The following KCNQ3 variants were observed in gnomAD, a reference collection of about 807,000 sequenced individuals.
KCNQ3 encodes potassium voltage-gated channel subfamily Q member 3.
Under a neutral mutation model 92.5 loss-of-function variants are expected in KCNQ3, and 30 were observed. The ratio of observed to expected loss-of-function variants is 0.32; its 90% CI spans 0.24 to 0.44. The LOEUF (loss-of-function observed/expected upper bound fraction) is 0.44. Among genes scored for constraint, KCNQ3 ranks in the 20% least tolerant of loss-of-function variants. KCNQ3 has a pLI of 1.00. For missense variants in KCNQ3, 913 were observed against 1,140.3 expected (o/e 0.80, Z 2.87); for synonymous variants, 450 against 468.8 (o/e 0.96, Z 0.52).
intron 1 of KCNQ3, among the ~76,000 whole-genome samples, chr8:132,295,536 T>A (rs983986282): frequency 7.9e-5 from 12 of 152,216 alleles, no homozygotes; most frequent in African/African-American, 2.9e-4. Flanking sequence ...TTACCGGGCG[T>A]ATACCCAAAG....
intron 1 of KCNQ3, among the ~76,000 whole-genome samples, chr8:132,474,324 T>A (rs1350529067): frequency 6.6e-6 from 1 of 152,166 alleles, no homozygotes; most frequent in Non-Finnish European, 1.5e-5. Context: ...ATCCTCAATT[T>A]ATAGGTCATC....
intron 1 of KCNQ3, among the ~76,000 whole-genome samples, chr8:132,341,352 C>G (rs754828967): frequency 1.3e-5 from 2 of 152,130 alleles, no homozygotes; most frequent in Non-Finnish European, 2.9e-5. Flanking sequence ...GCTGAAGGCA[C>G]GTTTTCTCCG....
At chr8:132,329,080 A>G (rs1304730940) in intron 1 of KCNQ3, among the ~76,000 whole-genome samples, 1 of 152,252 alleles carries the variant, frequency 6.6e-6, no homozygotes, top group African/African-American at 2.4e-5. Context: ...ACCAGTAAAC[A>G]AGAACATTGC....
intron 9 of KCNQ3, among the ~76,000 whole-genome samples, chr8:132,156,505 C>T (rs1435815959): frequency 6.6e-6 from 1 of 152,098 alleles, no homozygotes; most frequent in African/African-American, 2.4e-5. Context: ...TGGAGGGATC[C>T]AGGCAGACAC....
intron 1 of KCNQ3, among the ~76,000 whole-genome samples, chr8:132,466,878 T>A (rs1237613564): frequency 6.6e-6 from 1 of 152,102 alleles, no homozygotes; most frequent in Non-Finnish European, 1.5e-5. Flanking sequence ...GGGAAAAACG[T>A]CTCTAAAGAC....
chr8:132,173,302 A>G (rs1018280216), intron 6 of KCNQ3, among the ~76,000 whole-genome samples: 3 of 152,188 alleles, frequency 2.0e-5, no homozygotes, highest in Admixed American at 1.3e-4. Flanking sequence ...CATCAATGAG[A>G]AAACTGAGAT....
intron 1 of KCNQ3, among the ~76,000 whole-genome samples, chr8:132,382,366 C>T (rs1277785088): frequency 6.6e-6 from 1 of 152,144 alleles, no homozygotes; most frequent in African/African-American, 2.4e-5. Flanking sequence ...AACGTGTATC[C>T]TGCTCCTTCT....
intron 1 of KCNQ3, chr8:132,278,176 G>A (rs1307290147): frequency 2.0e-6 from 2 of 985,100 alleles, no homozygotes; most frequent in African/African-American, 1.7e-5. Flanking sequence ...ACCCAGAGAT[G>A]TCATGTAAAT....
At chr8:132,312,487 T>A (rs932037514) in intron 1 of KCNQ3, among the ~76,000 whole-genome samples, 1 of 151,800 alleles carries the variant, frequency 6.6e-6, no homozygotes, top group African/African-American at 2.4e-5. Context: ...TATGGGGGGC[T>A]TCAAGTGCAG....
chr8:132,166,228 T>A (rs570765051), intron 8 of KCNQ3, among the ~76,000 whole-genome samples: 1 of 152,310 alleles, frequency 6.6e-6, no homozygotes, highest in African/African-American at 2.4e-5. Context: ...ACAGTCAAAT[T>A]CTCACTAGCC....
intron 1 of KCNQ3, among the ~76,000 whole-genome samples, chr8:132,264,068 G>A (rs993113183): frequency 6.6e-6 from 1 of 152,200 alleles, no homozygotes; most frequent in Non-Finnish European, 1.5e-5. Flanking sequence ...CTTGGACACT[G>A]AGGTACAGTC....
In KCNQ3 at chr8:132,129,893, G is replaced by A. The variant is rs2130924084; in HGVS notation, c.1988C>T (p.Thr663Ile). ...QVTEYYPTKG[T>I]SSPAEAEKKE... ...CTTCTCTGCTTCAGCTGGCGAGGAGGTGCCCTTGGTTGGGTAATACTCCGT... is the reference window on the plus strand; with the variant it reads ...CTTCTCTGCTTCAGCTGGCGAGGAGATGCCCTTGGTTGGGTAATACTCCGT... The change falls in exon 15 of 15, where the codon ACC becomes ATC. Residue 663 changes from threonine to isoleucine, a missense_variant. By Grantham distance (89) the Thr-to-Ile change is moderately conservative. Transcript: ENST00000388996. This position sits in a 1 kb window ranked among gnomAD's most constrained non-coding sequence, Gnocchi z 5.9. 1 of 1,614,090 alleles carries A rather than the reference G, an allele frequency of 6.2e-7. No individual in the cohort carries two copies. Among genetic ancestry groups the A allele is most frequent in the Non-Finnish European group, 8.5e-7 (1 of 1,180,008 alleles).
intron 1 of KCNQ3, among the ~76,000 whole-genome samples, chr8:132,361,572 G>T (rs1398864223): frequency 2.6e-5 from 4 of 151,808 alleles, no homozygotes; most frequent in Admixed American, 2.0e-4. Flanking sequence ...TAAAGTAAAA[G>T]GATCTAAACA....
intron 1 of KCNQ3, among the ~76,000 whole-genome samples, chr8:132,440,891 CCTT>C (rs1272928129): frequency 6.6e-6 from 1 of 152,186 alleles, no homozygotes; most frequent in Non-Finnish European, 1.5e-5. Flanking sequence ...CCATGAGTGA[CCTT>C]CTGCTCAAAG....
At chr8:132,252,881 C>A (rs1421408518) in intron 1 of KCNQ3, among the ~76,000 whole-genome samples, 2 of 152,170 alleles carry the variant, frequency 1.3e-5, no homozygotes, top group Non-Finnish European at 2.9e-5. Context: ...TTCTTCTATC[C>A]ATCACAGCAT....
intron 1 of KCNQ3, among the ~76,000 whole-genome samples, chr8:132,337,002 G>A (rs970522542): frequency 1.3e-5 from 2 of 152,210 alleles, no homozygotes; most frequent in African/African-American, 2.4e-5. Context: ...TTGGTAACAG[G>A]TATGCCCAGA....
At chr8:132,154,415 G>C (rs887078558) in intron 9 of KCNQ3, among the ~76,000 whole-genome samples, 1 of 151,948 alleles carries the variant, frequency 6.6e-6, no homozygotes, top group African/African-American at 2.4e-5. Context: ...CTTCTCGTGG[G>C]AACCCTTGGA....
At chr8:132,268,217 T>G (rs889630099) in intron 1 of KCNQ3, among the ~76,000 whole-genome samples, 3 of 152,208 alleles carry the variant, frequency 2.0e-5, no homozygotes, top group Non-Finnish European at 4.4e-5. Context: ...CTTCTTTCAC[T>G]TAGTAATATG....
chr8:132,160,626 C>G (rs996937320), intron 9 of KCNQ3, among the ~76,000 whole-genome samples: 3 of 149,194 alleles, frequency 2.0e-5, no homozygotes, highest in African/African-American at 7.8e-5. Flanking sequence ...TAATAACTTT[C>G]AAATCAGTTT....
Sources: gnomAD v4.1 joint callset for allele counts (sites outside exome capture counted in the v4.1 genomes callset) on GRCh38, gnomAD v4.1.1 for gene constraint, Gnocchi (gnomAD v3.1) non-coding constraint, MANE v1.5 for transcripts, NCBI Gene and HGNC (gene_info 2026-07-23, HGNC 2026-07-21) for gene names.